SPRED1: variants seen among roughly 807,000 people sequenced by gnomAD.
SPRED1 encodes the protein sprouty related EVH1 domain containing 1, also known as sprouty-related, EVH1 domain-containing protein 1.
In SPRED1, 18 loss-of-function variants were observed where a neutral mutation model predicts 52.3. The ratio of observed to expected loss-of-function variants is 0.34; its 90% confidence interval spans 0.24 to 0.51. The LOEUF (loss-of-function observed/expected upper bound fraction) is 0.51. Ranked by LOEUF, SPRED1 falls within the 20% of genes least tolerant of loss-of-function variation. The pLI is 0.97. For synonymous variants in SPRED1, 155 were observed against 179.7 expected (o/e 0.86, Z 1.10); for missense variants, 485 against 551.0 (o/e 0.88, Z 1.20).
At chr15:38,279,841 G>A (rs1416017696) in intron 1 of SPRED1, among the ~76,000 whole-genome samples, 1 of 152,164 alleles carries the variant, frequency 6.6e-6, no homozygotes, top group Non-Finnish European at 1.5e-5. Flanking sequence ...AAACACTTAT[G>A]GGGGACTATC....
chr15:38,308,222 A>G (rs1895290768), intron 2 of SPRED1, among the ~76,000 whole-genome samples: 1 of 152,230 alleles, frequency 6.6e-6, no homozygotes, highest in Admixed American at 6.5e-5. Context: ...ATTGTAGATT[A>G]TTAATTGCTA....
Position 38,252,859 on chromosome 15 carries a change from G to T in SPRED1, c.-327G>T. 2.3e-6 allele frequency: 1 copy of T among 431,928 alleles called. No homozygotes were observed. The highest frequency in any genetic ancestry group is 4.3e-6 in the Non-Finnish European group (1 of 232,796). 26.8% of individuals were successfully genotyped at this position (431,928 alleles called of 1,614,324 possible). The stretch of plus-strand genomic sequence containing the variant: ...CCGCTGCGCTCCACCCCAGTGGCTG[G>T]AGGAGCAGCTCTCCAGTCAGCCTTT... On this transcript the variant is annotated 5_prime_UTR_variant, in exon 1 of 7. Coordinates refer to ENST00000299084, the MANE Select transcript of SPRED1 (RefSeq NM_152594.3).
rs191625635 is a variant in SPRED1 at position 38,291,390 on chromosome 15, C to T, written c.33-7983C>T. ...TGGTGGAAGCTGTCAGTGAATCTAC[C>T]ATTCTGGGGTCTGGTAAATGGTGGC... On this transcript the variant is annotated intron_variant, in intron 1 of 6. Coordinates refer to ENST00000299084, the MANE Select transcript of SPRED1 (RefSeq NM_152594.3). Among the ~76,000 whole-genome samples the T allele has an allele frequency of 7.9e-3, 1,205 of 152,260 alleles. 32 individuals are homozygous for T. The highest frequency in any genetic ancestry group is 0.065 in the Admixed American group (996 of 15,288).
At chr15:38,312,725 TAC>T (rs1207804870) in intron 2 of SPRED1, among the ~76,000 whole-genome samples, 2 of 152,096 alleles carry the variant, frequency 1.3e-5, no homozygotes, top group Non-Finnish European at 2.9e-5. Flanking sequence ...TTTGGTAAGT[TAC>T]AGTTTTTTAG....
intron 2 of SPRED1, among the ~76,000 whole-genome samples, chr15:38,303,468 A>G (rs570011903): frequency 1.3e-5 from 2 of 152,242 alleles, no homozygotes; most frequent in African/African-American, 2.4e-5. Flanking sequence ...TACCATTTGT[A>G]TAGGTTATGT....
chr15:38,351,149 G>T lies in SPRED1; in HGVS notation c.820G>T (p.Asp274Tyr). 6.2e-7 allele frequency: 1 copy of T among 1,614,080 alleles called. No individual in the cohort carries two copies. The highest frequency in any genetic ancestry group is 8.5e-7 in the Non-Finnish European group (1 of 1,179,998). ...PDMWKNDLER[D>Y]DADSSIQFSK... Reference sequence around the variant, plus strand: ...CATGTGGAAAAATGACTTGGAAAGAGATGATGCTGATTCCAGTATTCAGTT... The same window carrying T: ...CATGTGGAAAAATGACTTGGAAAGATATGATGCTGATTCCAGTATTCAGTT... The change falls in exon 7 of 7, where the codon GAT (aspartate) becomes TAT (tyrosine). Residue 274 changes from aspartate (D) to tyrosine (Y), a missense_variant. Physicochemically the swap from Asp to Tyr is radical, Grantham distance 160. Around this residue, in one of 5 missense-constraint regions of SPRED1, gnomAD observed 205 missense variants for 245.2 expected, o/e 0.84. Coordinates refer to ENST00000299084, the MANE Select transcript of SPRED1 (RefSeq NM_152594.3).
At position 38,272,276 on chromosome 15, in the gene SPRED1, G is replaced by GTTTTTTTTTTTTTTTTTT. The variant is rs1555387949; in HGVS notation, c.32+19069_32+19070insTTTTTTTTTTTTTTTTTT. 3.0e-5 allele frequency among the ~76,000 whole-genome samples: 4 copies of GTTTTTTTTTTTTTTTTTT among 131,426 alleles called. 2 individuals are homozygous for GTTTTTTTTTTTTTTTTTT. 86.2% of individuals were successfully genotyped at this position (131,426 alleles called of 152,430 possible). A position where few individuals can be genotyped will look rare whatever the true frequency, so the allele number is the denominator to read the frequency against. On this transcript the variant is annotated intron_variant, in intron 1 of 6. Coordinates refer to ENST00000299084, the MANE Select transcript of SPRED1 (RefSeq NM_152594.3). Reference sequence around the variant, plus strand: ...TGAGATTGTAGGGGTCGAATGCTAGGTTTTTTTTTTGAGATGAAGTCTTGC... The same window carrying GTTTTTTTTTTTTTTTTTT: ...TGAGATTGTAGGGGTCGAATGCTAGGTTTTTTTTTTTTTTTTTTTTTTTTTTTTGAGATGAAGTCTTGC...
intron 1 of SPRED1, among the ~76,000 whole-genome samples, chr15:38,289,631 T>C (rs72709697): frequency 0.011 from 1,640 of 152,032 alleles, 12 homozygotes; most frequent in Middle Eastern, 0.027. Context: ...CCTGACTGTA[T>C]AGGACTGTAG....
intron 1 of SPRED1, among the ~76,000 whole-genome samples, chr15:38,264,612 G>T (rs1021848915): frequency 1.3e-5 from 2 of 152,130 alleles, no homozygotes; most frequent in Non-Finnish European, 2.9e-5. Context: ...TAGCTAGGGT[G>T]GTATCAGGAG....
chr15:38,347,460 T>C (rs1277524934), intron 5 of SPRED1, among the ~76,000 whole-genome samples: 1 of 58,460 alleles, frequency 1.7e-5, no homozygotes, highest in South Asian at 8.0e-4. Flanking sequence ...CCCGCTTGGA[T>C]CTTTTTTTTT....
At position 38,322,397 on chromosome 15, in the gene SPRED1, G is replaced by A; in HGVS notation, c.364G>A (p.Asp122Asn). ...TAGAGGTATCCGAAGAGCTATAGAG[G>A]ATATTTCTCAAGGTAGGTATTCTTG... ...FDRGIRRAIE[D>N]ISQGCPESKN... Residue 122 changes from aspartate (D) to asparagine (N), a missense_variant, in exon 3 of 7, where the codon GAT (aspartate) becomes AAT (asparagine). Asp to Asn is a conservative substitution (Grantham distance 23). Around this residue, in one of 5 missense-constraint regions of SPRED1, gnomAD observed 232 missense variants for 231.8 expected, o/e 1.00. Transcript: ENST00000299084. 1 of 1,613,646 alleles carries A rather than the reference G, an allele frequency of 6.2e-7. No homozygotes were observed. Among genetic ancestry groups the A allele is most frequent in the Non-Finnish European group, 8.5e-7 (1 of 1,179,784 alleles).
chr15:38,307,396 G>T (rs770839718), intron 2 of SPRED1, among the ~76,000 whole-genome samples: 104 of 152,158 alleles, frequency 6.8e-4, no homozygotes, highest in Admixed American at 1.4e-3. Context: ...TGTTTCTGGT[G>T]TGGGCTGTCT....
intron 2 of SPRED1, among the ~76,000 whole-genome samples, chr15:38,314,269 T>C (rs113823547): frequency 6.6e-6 from 1 of 151,990 alleles, no homozygotes; most frequent in African/African-American, 2.4e-5. Flanking sequence ...CTATCAATTA[T>C]TGAGACATAT....
At chr15:38,266,865 T>A (rs1894317801) in intron 1 of SPRED1, among the ~76,000 whole-genome samples, 1 of 152,078 alleles carries the variant, frequency 6.6e-6, no homozygotes, top group Non-Finnish European at 1.5e-5. Flanking sequence ...GGATGTTGTA[T>A]ATAGACTCTA....
At chr15:38,311,174 T>A (rs1895359535) in intron 2 of SPRED1, among the ~76,000 whole-genome samples, 1 of 152,058 alleles carries the variant, frequency 6.6e-6, no homozygotes. Context: ...GTATGTTAAA[T>A]TTTTTTTGTG....
At chr15:38,291,963 T>C (rs1894932945) in intron 1 of SPRED1, among the ~76,000 whole-genome samples, 1 of 152,182 alleles carries the variant, frequency 6.6e-6, no homozygotes, top group African/African-American at 2.4e-5. Flanking sequence ...ACAAAATAGT[T>C]TTTCCTTTTC....
chr15:38,329,997 A>G (rs967395462), intron 4 of SPRED1, among the ~76,000 whole-genome samples: 12 of 152,162 alleles, frequency 7.9e-5, no homozygotes, highest in Non-Finnish European at 7.4e-5. Context: ...TTTAATTTGT[A>G]TCTTTGAGTG....
At chr15:38,273,370 G>T (rs1422085730) in intron 1 of SPRED1, among the ~76,000 whole-genome samples, 1 of 151,904 alleles carries the variant, frequency 6.6e-6, no homozygotes, top group East Asian at 1.9e-4. Context: ...AACTGTTTTT[G>T]ATTCACTTTG....
chr15:38,336,008 G>A (rs919214240), intron 4 of SPRED1, among the ~76,000 whole-genome samples: 1 of 151,884 alleles, frequency 6.6e-6, no homozygotes, highest in African/African-American at 2.4e-5. Context: ...TACCACCAAG[G>A]AGTATTAGCC....
Sources: allele counts gnomAD v4.1 joint callset (sites outside exome capture counted in the v4.1 genomes callset), GRCh38; gene constraint gnomAD v4.1.1; regional missense constraint gnomAD v4.1.1; transcripts MANE v1.5; gene names NCBI Gene and HGNC (gene_info 2026-07-23, HGNC 2026-07-21).